PCDH15: variants seen among roughly 807,000 people sequenced by gnomAD.
PCDH15 encodes protocadherin-15.
In PCDH15, 129 loss-of-function variants were observed where a neutral mutation model predicts 178.5. The ratio of observed to expected loss-of-function variants is 0.72; its 90% CI spans 0.63 to 0.84. PCDH15 has a LOEUF of 0.84. Ranked by LOEUF, PCDH15 falls within the 40% of genes least tolerant of loss-of-function variation. PCDH15 has a pLI of 0.00. For synonymous variants in PCDH15, 800 were observed against 732.0 expected, an observed-to-expected ratio of 1.09 and a Z score of -1.50; for missense variants, 2,230 against 2,099.9, an observed-to-expected ratio of 1.06 and a Z score of -1.21.
intron 2 of PCDH15, among the ~76,000 whole-genome samples, chr10:55,159,229 T>C (rs1838985561): frequency 6.6e-6 from 1 of 151,868 alleles, no homozygotes; most frequent in Non-Finnish European, 1.5e-5. Flanking sequence ...GCTGCTAATA[T>C]GGTTTCAAAT....
chr10:54,285,899 C>T (rs2058998931), intron 8 of PCDH15, among the ~76,000 whole-genome samples: 2 of 152,092 alleles, frequency 1.3e-5, no homozygotes, highest in South Asian at 4.1e-4. Context: ...AAAAATAAAT[C>T]CTGTTATTCA....
At chr10:54,421,838 ACACACACAC>A (rs1489501499) in intron 3 of PCDH15, among the ~76,000 whole-genome samples, 6,425 of 79,794 alleles carry the variant, frequency 0.081, 592 homozygotes, top group African/African-American at 0.22. Flanking sequence ...ATATATATAT[ACACACACAC>A]TATATATATA....
At chr10:54,524,211 T>C (rs189028736) in intron 3 of PCDH15, among the ~76,000 whole-genome samples, 35 of 152,336 alleles carry the variant, frequency 2.3e-4, no homozygotes, top group African/African-American at 8.2e-4. Context: ...CAGATTTACC[T>C]TTCATTTCCC....
intron 5 of PCDH15, among the ~76,000 whole-genome samples, chr10:54,349,095 C>G (rs369262599): frequency 6.6e-6 from 1 of 151,832 alleles, no homozygotes. Context: ...GATATAAAAG[C>G]AAAACAAAAA....
At chr10:54,821,660 A>G (rs1263548882) in intron 3 of PCDH15, among the ~76,000 whole-genome samples, 1 of 152,100 alleles carries the variant, frequency 6.6e-6, no homozygotes, top group Admixed American at 6.6e-5. Flanking sequence ...TGATATTAAT[A>G]TCTCTAGTGA....
intron 2 of PCDH15, among the ~76,000 whole-genome samples, chr10:54,929,781 T>A (rs1477281958): frequency 6.6e-6 from 1 of 152,206 alleles, no homozygotes; most frequent in Non-Finnish European, 1.5e-5. Flanking sequence ...ATAGCAACAA[T>A]CAGCTGGAGC....
intron 28 of PCDH15, among the ~76,000 whole-genome samples, chr10:53,841,335 A>G (rs1324113110): frequency 6.6e-6 from 1 of 152,116 alleles, no homozygotes; most frequent in Non-Finnish European, 1.5e-5. Flanking sequence ...TAAATATTCT[A>G]AAATTCGTAG....
At chr10:55,124,413 GCA>G (rs1409859721) in intron 2 of PCDH15, among the ~76,000 whole-genome samples, 1 of 152,002 alleles carries the variant, frequency 6.6e-6, no homozygotes, top group Admixed American at 6.6e-5. Context: ...ATGTAAACAT[GCA>G]CACACACACT....
chr10:54,205,567 A>G (rs1408632493), intron 10 of PCDH15, among the ~76,000 whole-genome samples: 3 of 149,592 alleles, frequency 2.0e-5, no homozygotes, highest in African/African-American at 4.9e-5. Flanking sequence ...CCATGAATCA[A>G]TGAACATATT....
At chr10:54,242,197 C>T (rs1564770295) in intron 8 of PCDH15, among the ~76,000 whole-genome samples, 6 of 123,230 alleles carry the variant, frequency 4.9e-5, no homozygotes, top group African/African-American at 9.4e-5. Flanking sequence ...TACACACACA[C>T]ACATACATAC....
chr10:54,730,879 G>T (rs1293857136), intron 1 of PCDH15, among the ~76,000 whole-genome samples: 1 of 151,354 alleles, frequency 6.6e-6, no homozygotes, highest in Non-Finnish European at 1.5e-5. Context: ...TATCTCAAAA[G>T]CACAGGCAAC....
At chr10:53,920,094 G>C (rs1432598073) in intron 25 of PCDH15, among the ~76,000 whole-genome samples, 1 of 152,096 alleles carries the variant, frequency 6.6e-6, no homozygotes, top group Non-Finnish European at 1.5e-5. Context: ...AGTAAAAACA[G>C]TATGGATACA....
chr10:55,444,844 A>G (rs1484646775), intron 2 of PCDH15, among the ~76,000 whole-genome samples: 2 of 152,158 alleles, frequency 1.3e-5, no homozygotes, highest in Non-Finnish European at 2.9e-5. Flanking sequence ...AGCCACAAAT[A>G]TATTTGCTAG....
intron 2 of PCDH15, among the ~76,000 whole-genome samples, chr10:55,000,284 C>T (rs1438408435): frequency 1.3e-5 from 2 of 152,190 alleles, no homozygotes; most frequent in African/African-American, 4.8e-5. Flanking sequence ...GGGACACATT[C>T]TCTTTCTCAG....
At chr10:54,157,785 C>A (rs1330380850) in intron 13 of PCDH15, among the ~76,000 whole-genome samples, 1 of 152,180 alleles carries the variant, frequency 6.6e-6, no homozygotes, top group Non-Finnish European at 1.5e-5. Context: ...GCACCCAAGA[C>A]ACCTCATGAA....
chr10:53,840,253 C>A (rs2077559045), intron 29 of PCDH15, 67 bp downstream of exon 29: 1 of 1,538,300 alleles, frequency 6.5e-7, no homozygotes, highest in East Asian at 2.2e-5. Context: ...CTTATAGCCT[C>A]AAGTCAGAAT....
At chr10:54,407,093 C>T (rs901676735) in intron 3 of PCDH15, among the ~76,000 whole-genome samples, 5 of 152,010 alleles carry the variant, frequency 3.3e-5, no homozygotes, top group African/African-American at 1.2e-4. Context: ...AAGGAATGTG[C>T]ATGAATAAGT....
intron 2 of PCDH15, among the ~76,000 whole-genome samples, chr10:55,105,288 T>C (rs1842648615): frequency 6.6e-6 from 1 of 152,174 alleles, no homozygotes; most frequent in African/African-American, 2.4e-5. Context: ...GTGATTCATC[T>C]TTTTACAAAT....
At chr10:54,822,669 T>C (rs1207520304) in intron 3 of PCDH15, among the ~76,000 whole-genome samples, 1 of 152,064 alleles carries the variant, frequency 6.6e-6, no homozygotes, top group Non-Finnish European at 1.5e-5. Context: ...GATTGCTGGA[T>C]CACATGGTAA....
Sources: gnomAD v4.1 joint callset for allele counts (sites outside exome capture counted in the v4.1 genomes callset) on GRCh38, gnomAD v4.1.1 for gene constraint, MANE v1.5 for transcripts, NCBI Gene and HGNC (gene_info 2026-07-23, HGNC 2026-07-21) for gene names.